CALD1: variants seen among roughly 807,000 people sequenced by gnomAD.
CALD1 encodes caldesmon 1.
A neutral mutation model predicts 99.9 loss-of-function variants in CALD1; 33 were observed. That is an observed-to-expected ratio of 0.33 (90% CI 0.25 to 0.44). The LOEUF (loss-of-function observed/expected upper bound fraction) is 0.44. CALD1 is among the 20% of genes least tolerant of loss of function. The pLI is 1.00. For synonymous variants in CALD1, 310 were observed against 325.0 expected, an observed-to-expected ratio of 0.95 and a Z score of 0.50; for missense variants, 861 against 962.1, an observed-to-expected ratio of 0.89 and a Z score of 1.39.
At chr7:134,953,296 T>C (rs1229591174) in intron 9 of CALD1, among the ~76,000 whole-genome samples, 3 of 152,064 alleles carry the variant, frequency 2.0e-5, no homozygotes, top group Non-Finnish European at 2.9e-5. Flanking sequence ...CTGGCCAACA[T>C]GGTGAAACCT....
At chr7:134,784,214 A>G (rs1414058396) in intron 1 of CALD1, among the ~76,000 whole-genome samples, 1 of 152,218 alleles carries the variant, frequency 6.6e-6, no homozygotes, top group East Asian at 1.9e-4. Context: ...TGAATACTCC[A>G]TGAAAGCACT....
At chr7:134,954,788 G>A (rs1435653696) in intron 9 of CALD1, among the ~76,000 whole-genome samples, 1 of 152,148 alleles carries the variant, frequency 6.6e-6, no homozygotes, top group Non-Finnish European at 1.5e-5. Context: ...GTCTCACCAC[G>A]CTGCGTGCCT....
intron 2 of CALD1, among the ~76,000 whole-genome samples, chr7:134,849,876 T>G (rs1415159307): frequency 6.6e-6 from 1 of 152,216 alleles, no homozygotes; most frequent in Non-Finnish European, 1.5e-5. Flanking sequence ...TATTGTATTC[T>G]GGTTTTCCAA....
At chr7:134,938,345 A>C (rs753185182) in intron 6 of CALD1, among the ~76,000 whole-genome samples, 50 of 152,200 alleles carry the variant, frequency 3.3e-4, no homozygotes, top group Non-Finnish European at 6.3e-4. Flanking sequence ...TCTCTCTGGC[A>C]CAAGGGCCTG....
At chr7:134,820,108 G>C (rs1798715716) in intron 1 of CALD1, among the ~76,000 whole-genome samples, 1 of 152,162 alleles carries the variant, frequency 6.6e-6, no homozygotes, top group South Asian at 2.1e-4. Context: ...AGATCTAAGA[G>C]AGAATTTTGA....
the CALD1 span, among the ~76,000 whole-genome samples, chr7:134,722,540 C>A: frequency 6.6e-6 from 1 of 152,100 alleles, no homozygotes; most frequent in Non-Finnish European, 1.5e-5. Context: ...CCTGCCTCAG[C>A]CTCCCCGAGT....
At chr7:134,832,681 CACAG>C (rs1188967393) in intron 1 of CALD1, among the ~76,000 whole-genome samples, 3 of 152,292 alleles carry the variant, frequency 2.0e-5, no homozygotes, top group African/African-American at 4.8e-5. Context: ...AATGAAGGAA[CACAG>C]ACAGACAGCG....
intron 1 of CALD1, among the ~76,000 whole-genome samples, chr7:134,770,460 C>T (rs974270915): frequency 6.6e-6 from 1 of 152,150 alleles, no homozygotes; most frequent in Non-Finnish European, 1.5e-5. Context: ...CTGCACCCCA[C>T]GCCTCCCTTC....
chr7:134,955,842 T>C (rs1563130920), intron 9 of CALD1, among the ~76,000 whole-genome samples: 2 of 152,200 alleles, frequency 1.3e-5, no homozygotes, highest in Non-Finnish European at 2.9e-5. Context: ...GAGTATATTA[T>C]TTATTGGCTA....
Position 134,893,950 on chromosome 7 carries a change from TAAAC to T in CALD1, c.71+26150_71+26153del, listed in dbSNP as rs980053748. ...TCTGTGTTTTGTACATAAGATCACA[TAAAC>T]AAAGGGGGCAGAGGAAAAATGCGGG... On this transcript the variant is annotated intron_variant, in intron 3 of 14. Coordinates refer to ENST00000361675, the MANE Select transcript of CALD1 (RefSeq NM_033138.4). 2.6e-5 allele frequency among the ~76,000 whole-genome samples: 4 copies of T among 152,244 alleles called. No homozygotes were observed. In the South Asian group the frequency reaches 6.2e-4, roughly 24 times the overall value.
At chr7:134,891,566 G>T in intron 3 of CALD1, 1 of 1,571,590 alleles carries the variant, frequency 6.4e-7, no homozygotes, top group East Asian at 2.3e-5. Context: ...CTGACCGCCC[G>T]GCCTGGCCAG....
chr7:134,773,982 A>G (rs1423884826), intron 1 of CALD1, among the ~76,000 whole-genome samples: 1 of 152,142 alleles, frequency 6.6e-6, no homozygotes, highest in Non-Finnish European at 1.5e-5. Flanking sequence ...CAGCCTGGCC[A>G]ACATGGGGAA....
At chr7:134,796,864 G>A (rs1257543898) in intron 1 of CALD1, among the ~76,000 whole-genome samples, 1 of 152,138 alleles carries the variant, frequency 6.6e-6, no homozygotes, top group Non-Finnish European at 1.5e-5. Flanking sequence ...GGGATTGCAG[G>A]CATGAGCCAC....
Position 134,933,653 on chromosome 7 carries a change from T to A in CALD1, c.884T>A (p.Ile295Asn). 6.2e-7 allele frequency: 1 copy of A among 1,603,524 alleles called. No individual in the cohort carries two copies. Among genetic ancestry groups the A allele is most frequent in the Non-Finnish European group, 8.5e-7 (1 of 1,175,014 alleles). ...DKKIADERAR[I>N]EAEEKAAAQE... is the part of the protein sequence containing the mutation. ...AAGATAGCAGATGAACGAGCAAGAA[T>A]TGAAGCAGAAGAAAAAGCAGCTGCC... Residue 295 changes from isoleucine to asparagine, a missense_variant, in exon 5 of 15, where the codon ATT becomes AAT. Ile to Asn is a moderately radical substitution (Grantham distance 149). Around this residue, in one of 5 missense-constraint regions of CALD1, gnomAD observed 234 missense variants for 233.1 expected, o/e 1.00. Transcript: ENST00000361675.
chr7:134,775,724 AG>A (rs1399568650), upstream of CALD1, among the ~76,000 whole-genome samples: 25 of 144,814 alleles, frequency 1.7e-4, no homozygotes, highest in East Asian at 4.7e-3. Context: ...AAAAAAAAAA[AG>A]AAAAGAATAA....
At chr7:134,775,679 C>A (rs747665586), upstream of CALD1, among the ~76,000 whole-genome samples, 54 of 150,730 alleles carry the variant, frequency 3.6e-4, no homozygotes, top group Non-Finnish European at 5.7e-4. Context: ...CCACTGCACT[C>A]CAGTCTGGGC....
intron 3 of CALD1, among the ~76,000 whole-genome samples, chr7:134,893,381 C>T (rs781466500): frequency 1.3e-5 from 2 of 152,148 alleles, no homozygotes; most frequent in East Asian, 1.9e-4. Context: ...TTCTGACTTC[C>T]GCCAGGGAGA....
At chr7:134,873,406 C>A (rs1462313380) in intron 3 of CALD1, among the ~76,000 whole-genome samples, 3 of 152,106 alleles carry the variant, frequency 2.0e-5, no homozygotes, top group African/African-American at 7.2e-5. Context: ...AATCTGTCTG[C>A]TCTGAATTAT....
intron 2 of CALD1, among the ~76,000 whole-genome samples, chr7:134,855,050 T>C (rs1194944645): frequency 6.6e-6 from 1 of 152,196 alleles, no homozygotes; most frequent in Admixed American, 6.5e-5. Flanking sequence ...TCCACTATGA[T>C]TGAAAGTCTC....
Sources: gnomAD v4.1 joint callset for allele counts (sites outside exome capture counted in the v4.1 genomes callset) on GRCh38, gnomAD v4.1.1 for gene constraint, gnomAD v4.1.1 regional missense constraint, MANE v1.5 for transcripts, NCBI Gene and HGNC (gene_info 2026-07-23, HGNC 2026-07-21) for gene names.